The following PCGF3 variants were observed in gnomAD, a reference collection of about 807,000 sequenced individuals.
The protein encoded by PCGF3 is polycomb group RING finger protein 3.
PCGF3 carries 7 observed loss-of-function variants against 33.1 expected under a neutral mutation model. The observed-to-expected ratio is 0.21, with a 90% confidence interval of 0.12 to 0.40. PCGF3 has a LOEUF of 0.40. Among genes scored for constraint, PCGF3 ranks in the 10% least tolerant of loss-of-function variants. The pLI, the probability that PCGF3 is intolerant of heterozygous loss-of-function variation, is 1.00. For missense variants in PCGF3, 211 were observed against 313.3 expected (o/e 0.67, Z 2.46); for synonymous variants, 153 against 121.3 (o/e 1.26, Z -1.72).
intron 1 of PCGF3, chr4:722,580 G>A: frequency 6.8e-6 from 2 of 295,008 alleles, no homozygotes; most frequent in Middle Eastern, 1.2e-3. Flanking sequence ...TCCGCGCCGG[G>A]TCCACACTCG....
intron 8 of PCGF3, among the ~76,000 whole-genome samples, chr4:760,786 C>T (rs1474647308): frequency 7.9e-5 from 12 of 152,276 alleles, no homozygotes; most frequent in Non-Finnish European, 1.8e-4. Flanking sequence ...GTCCCCTTAA[C>T]AGTCACTTTT....
chr4:734,852 C>G (rs993805572), intron 4 of PCGF3, 79 bp from the exon 5 acceptor site: 3 of 1,542,376 alleles, frequency 1.9e-6, no homozygotes, highest in Admixed American at 2.0e-5. Context: ...CAGAGACGCC[C>G]GTGTTCAGTG....
chr4:744,488 C>T (rs971362747), intron 7 of PCGF3, 112 bp from the exon 8 acceptor site: 2 of 790,492 alleles, frequency 2.5e-6, no homozygotes, highest in Non-Finnish European at 4.2e-6. Context: ...TCCGGGGGTC[C>T]AGAGTCTCTT....
chr4:711,783 G>C (rs1475452107), intron 1 of PCGF3, among the ~76,000 whole-genome samples: 1 of 151,884 alleles, frequency 6.6e-6, no homozygotes, highest in Non-Finnish European at 1.5e-5. Flanking sequence ...TACAGAATTA[G>C]GCAGGCGTGT....
At chr4:713,450 G>A (rs945950292) in intron 1 of PCGF3, among the ~76,000 whole-genome samples, 3 of 146,936 alleles carry the variant, frequency 2.0e-5, no homozygotes, top group Non-Finnish European at 3.0e-5. Context: ...GGTCTTGTGT[G>A]CCTTGTGGGG....
At position 728,516 on chromosome 4, in the gene PCGF3, C is replaced by T. The variant is rs114156317; in HGVS notation, c.-189-2114C>T. Among the ~76,000 whole-genome samples the T allele has an allele frequency of 9.7e-3, 1,483 of 152,268 alleles. 24 individuals carry two copies. Among genetic ancestry groups the T allele is most frequent in the African/African-American group, 0.035 (1,433 of 41,530 alleles). ...AGCGTGCATAGCTTCTGTGCAGACT[C>T]GACACCACTTCATGTCCGGGACTTG... On this transcript the variant is annotated intron_variant, in intron 1 of 10. Transcript: ENST00000362003.
exon 11 of PCGF3, chr4:767,289 TTAGAGAA>T (rs1745424601): frequency 1.3e-5 from 2 of 152,180 alleles, no homozygotes; most frequent in Admixed American, 6.5e-5. Flanking sequence ...TTTTGTCACA[TTAGAGAA>T]TAAACAGCCA....
At position 720,728 on chromosome 4, in the gene PCGF3, G is replaced by A. The variant is rs1166815451; in HGVS notation, c.-189-9902G>A. On this transcript the variant is annotated intron_variant, in intron 1 of 10. Transcript: ENST00000362003. The surrounding 1 kb of genome is among the most constrained non-coding windows in gnomAD (Gnocchi z 5.6). ...GGACCCGGCGTGGACGGGCGGTGAC[G>A]TGCGTGTGGACCCGGCGTGGACGCA... 3.3e-5 allele frequency among the ~76,000 whole-genome samples: 5 copies of A among 150,180 alleles called. No homozygotes were observed. The highest frequency in any genetic ancestry group is 6.6e-5 in the Admixed American group (1 of 15,068).
intron 6 of PCGF3, among the ~76,000 whole-genome samples, chr4:742,679 G>A (rs1744145148): frequency 6.6e-6 from 1 of 152,226 alleles, no homozygotes; most frequent in South Asian, 2.1e-4. Context: ...TCCCTGGAGG[G>A]TCAGGCCTCC....
chr4:733,776 G>C (rs1743718428), exon 4 of PCGF3: 1 of 1,613,740 alleles, frequency 6.2e-7, no homozygotes, highest in Non-Finnish European at 8.5e-7. Flanking sequence ...CGGTGACCGA[G>C]TGTCTGCACA....
At chr4:737,794 C>T (rs1743900884) in intron 6 of PCGF3, among the ~76,000 whole-genome samples, 1 of 152,220 alleles carries the variant, frequency 6.6e-6, no homozygotes, top group Admixed American at 6.5e-5. Flanking sequence ...CAACGCAGCT[C>T]CTGCCCCTCC....
intron 9 of PCGF3, 115 bp from the exon 10 acceptor site, chr4:764,869 G>C (rs976596383): frequency 2.3e-5 from 16 of 681,836 alleles, no homozygotes; most frequent in Non-Finnish European, 4.3e-5. Context: ...CCCATCTCTA[G>C]GCACGTTCTT....
chr4:749,476 C>CTTTTTTTT lies in PCGF3; in HGVS notation c.462+4805_462+4812dup, dbSNP rs71640348. On this transcript the variant is annotated intron_variant, in intron 8 of 10. Coordinates refer to ENST00000362003, the Ensembl canonical transcript of PCGF3. The stretch of plus-strand genomic sequence containing the variant: ...ACCATGCCCTGCTGAATTTTCTTTC[C>CTTTTTTTT]TTTTTTTTTTTTTTTTTTTTTTTTG... Among the ~76,000 whole-genome samples, 127 of 75,474 alleles carry CTTTTTTTT rather than the reference C, an allele frequency of 1.7e-3. 8 individuals are homozygous for CTTTTTTTT. Among genetic ancestry groups the CTTTTTTTT allele is most frequent in the East Asian group, 0.01 (24 of 2,392 alleles). 49.5% of individuals were successfully genotyped at this position (75,474 alleles called of 152,430 possible). A position where few individuals can be genotyped will look rare whatever the true frequency, so the allele number is the denominator to read the frequency against.
intron 1 of PCGF3, among the ~76,000 whole-genome samples, chr4:724,718 A>G (rs187619670): frequency 0.01 from 1,527 of 152,202 alleles, 14 homozygotes; most frequent in Non-Finnish European, 0.017. Context: ...GAATGGTGTG[A>G]ACCCGGGAGG....
At chr4:739,161 C>G (rs1743977912) in intron 6 of PCGF3, among the ~76,000 whole-genome samples, 1 of 152,210 alleles carries the variant, frequency 6.6e-6, no homozygotes, top group Non-Finnish European at 1.5e-5. Flanking sequence ...TCAGTGCTGA[C>G]ATTTCTAGTT....
At chr4:719,445 G>A (rs965082613) in intron 1 of PCGF3, among the ~76,000 whole-genome samples, 2 of 152,246 alleles carry the variant, frequency 1.3e-5, no homozygotes, top group African/African-American at 4.8e-5. Flanking sequence ...GCGCAGCTCA[G>A]GAACATGGTG....
chr4:744,560 T>G, intron 7 of PCGF3, 40 bp from the exon 8 acceptor site: 1 of 1,445,840 alleles, frequency 6.9e-7, no homozygotes, highest in South Asian at 1.2e-5. Context: ...GCTTGACAGT[T>G]TGGATTTCAT....
chr4:738,821 T>C (rs541282661), intron 6 of PCGF3, among the ~76,000 whole-genome samples: 111 of 152,136 alleles, frequency 7.3e-4, no homozygotes, highest in African/African-American at 2.5e-3. Context: ...ATCGCGCCAC[T>C]GCACTCCAGG....
chr4:744,256 T>G (rs1321848150), intron 7 of PCGF3, among the ~76,000 whole-genome samples: 2 of 152,204 alleles, frequency 1.3e-5, no homozygotes, highest in East Asian at 3.9e-4. Flanking sequence ...GAGAAGGCTT[T>G]CAGATCGAGG....
Sources: allele counts gnomAD v4.1 joint callset (sites outside exome capture counted in the v4.1 genomes callset), GRCh38; gene constraint gnomAD v4.1.1; non-coding constraint Gnocchi (gnomAD v3.1); transcripts MANE v1.5; gene names NCBI Gene and HGNC (gene_info 2026-07-23, HGNC 2026-07-21).